Variants in FSTL5 observed in about 807,000 individuals in gnomAD.
FSTL5 encodes follistatin like 5.
A neutral mutation model predicts 89.1 loss-of-function variants in FSTL5; 62 were observed. The observed-to-expected ratio is 0.70, with a 90% CI of 0.57 to 0.86. FSTL5 has a LOEUF of 0.86. Ranked by LOEUF, FSTL5 falls within the 40% of genes least tolerant of loss-of-function variation. The probability of loss-of-function intolerance (pLI) is 0.00; values close to 1 mark genes in which losing one functional copy is unlikely to be tolerated. For missense variants in FSTL5, 1,057 were observed against 1,001.6 expected (o/e 1.06, Z -0.75); for synonymous variants, 383 against 346.2 (o/e 1.11, Z -1.18).
intron 7 of FSTL5, among the ~76,000 whole-genome samples, chr4:161,604,015 AAAT>A (rs1734348232): frequency 6.6e-6 from 1 of 152,190 alleles, no homozygotes; most frequent in African/African-American, 2.4e-5. Flanking sequence ...GCAATTTTAA[AAAT>A]AATAAGATTC....
intron 15 of FSTL5, among the ~76,000 whole-genome samples, chr4:161,394,592 T>A (rs1243978339): frequency 6.6e-6 from 1 of 152,192 alleles, no homozygotes; most frequent in Non-Finnish European, 1.5e-5. Context: ...GTAATTTTAA[T>A]AACCATGTAG....
At chr4:161,777,143 G>A (rs1239950661) in intron 4 of FSTL5, among the ~76,000 whole-genome samples, 4 of 151,206 alleles carry the variant, frequency 2.6e-5, no homozygotes, top group Non-Finnish European at 5.9e-5. Context: ...GTCTTTCTAT[G>A]CCTGGTTTAT....
intron 15 of FSTL5, among the ~76,000 whole-genome samples, chr4:161,404,719 A>G (rs1452035704): frequency 6.6e-6 from 1 of 151,912 alleles, no homozygotes; most frequent in Non-Finnish European, 1.5e-5. Flanking sequence ...AAAAAAAAAC[A>G]ACAATGATAA....
intron 4 of FSTL5, among the ~76,000 whole-genome samples, chr4:161,872,559 A>G (rs1339131067): frequency 6.6e-6 from 1 of 152,130 alleles, no homozygotes; most frequent in East Asian, 1.9e-4. Context: ...CTCAGCAAAT[A>G]CGATGGAACA....
intron 10 of FSTL5, among the ~76,000 whole-genome samples, chr4:161,520,530 A>C (rs889009703): frequency 3.9e-5 from 6 of 152,072 alleles, no homozygotes; most frequent in Non-Finnish European, 5.9e-5. Flanking sequence ...TTCTAAGTAA[A>C]CACATAGTTT....
chr4:162,132,283 T>G (rs1374812851), intron 1 of FSTL5, among the ~76,000 whole-genome samples: 1 of 152,162 alleles, frequency 6.6e-6, no homozygotes, highest in East Asian at 1.9e-4. Flanking sequence ...GGCACTACAG[T>G]GCTCCATCAG....
intron 7 of FSTL5, among the ~76,000 whole-genome samples, chr4:161,592,999 T>C (rs1240776242): frequency 1.3e-5 from 2 of 152,176 alleles, no homozygotes; most frequent in Admixed American, 6.6e-5. Flanking sequence ...TTTTCCCATA[T>C]ATTTGCTCTG....
intron 4 of FSTL5, among the ~76,000 whole-genome samples, chr4:161,792,315 C>G (rs1729505273): frequency 6.6e-6 from 1 of 152,050 alleles, no homozygotes; most frequent in Non-Finnish European, 1.5e-5. Flanking sequence ...TTGAGGGCAA[C>G]TTGGCATGGG....
chr4:161,663,827 T>G (rs1482671544), intron 6 of FSTL5, among the ~76,000 whole-genome samples: 1 of 152,182 alleles, frequency 6.6e-6, no homozygotes, highest in African/African-American at 2.4e-5. Flanking sequence ...TGCAGCAAAC[T>G]TATGCCTGGG....
intron 2 of FSTL5, among the ~76,000 whole-genome samples, chr4:162,106,741 A>G (rs1416121780): frequency 6.6e-6 from 1 of 152,152 alleles, no homozygotes; most frequent in Non-Finnish European, 1.5e-5. Flanking sequence ...ATTGCAGATA[A>G]CGCTAAGGTT....
intron 3 of FSTL5, among the ~76,000 whole-genome samples, chr4:161,993,923 G>C (rs910621152): frequency 2.6e-5 from 4 of 151,994 alleles, no homozygotes; most frequent in Non-Finnish European, 5.9e-5. Context: ...TGAGCTTGAG[G>C]GTACACGTGG....
intron 7 of FSTL5, among the ~76,000 whole-genome samples, chr4:161,623,333 T>C (rs1164287120): frequency 2.6e-5 from 4 of 151,986 alleles, no homozygotes; most frequent in African/African-American, 9.7e-5. Flanking sequence ...ACCATATTAG[T>C]ATTGGCAGAT....
chr4:161,410,521 GC>G (rs1190920513), intron 15 of FSTL5, among the ~76,000 whole-genome samples: 1 of 152,024 alleles, frequency 6.6e-6, no homozygotes, highest in African/African-American at 2.4e-5. Context: ...ATTGTAACAA[GC>G]AAACTCTTGG....
At chr4:162,152,346 C>G (rs577575454) in intron 1 of FSTL5, among the ~76,000 whole-genome samples, 4 of 152,260 alleles carry the variant, frequency 2.6e-5, no homozygotes, top group South Asian at 4.1e-4. Context: ...TCAGGAAAAT[C>G]TTTGGCACAA....
chr4:161,679,237 GAATA>G lies in FSTL5; in HGVS notation c.728-22747_728-22744del, dbSNP rs536437588. On this transcript the variant is annotated intron_variant, in intron 6 of 15. Transcript: ENST00000306100. ...AAAAGCATTGGAAATTAATATATAG[GAATA>G]AATAGTTTCATTGAAACATAATGTT... is the stretch of plus-strand genomic sequence containing the variant. 6.0e-3 allele frequency among the ~76,000 whole-genome samples: 914 copies of G among 151,672 alleles called. 5 individuals carry two copies. Among genetic ancestry groups the G allele is most frequent in the Middle Eastern group, 0.027 (8 of 292 alleles).
chr4:161,637,772 G>T, intron 7 of FSTL5, among the ~76,000 whole-genome samples: 1 of 118,650 alleles, frequency 8.4e-6, no homozygotes, highest in Non-Finnish European at 1.6e-5. Flanking sequence ...TCAGATAGTT[G>T]TAGATATGTG....
chr4:161,452,313 T>A (rs1387886552), intron 15 of FSTL5, among the ~76,000 whole-genome samples: 1 of 152,046 alleles, frequency 6.6e-6, no homozygotes, highest in East Asian at 1.9e-4. Flanking sequence ...CCGTCTCTAC[T>A]AAAAATACAA....
intron 15 of FSTL5, among the ~76,000 whole-genome samples, chr4:161,411,292 T>C (rs1036181790): frequency 6.6e-5 from 10 of 152,124 alleles, no homozygotes; most frequent in Admixed American, 2.0e-4. Context: ...ACTAAAAGTT[T>C]TCAAACAATT....
intron 2 of FSTL5, among the ~76,000 whole-genome samples, chr4:162,091,653 AGTTT>A (rs909258454): frequency 7.0e-4 from 106 of 152,186 alleles, no homozygotes; most frequent in African/African-American, 2.5e-3. Context: ...ATGAGTTTTA[AGTTT>A]GTTTGTCCTC....
Sources: allele counts gnomAD v4.1 joint callset (sites outside exome capture counted in the v4.1 genomes callset), GRCh38; gene constraint gnomAD v4.1.1; transcripts MANE v1.5; gene names NCBI Gene and HGNC (gene_info 2026-07-23, HGNC 2026-07-21).